MEGF6: variants seen among roughly 807,000 people sequenced by gnomAD.
MEGF6 encodes multiple epidermal growth factor-like domains protein 6.
Under a neutral mutation model 207.1 loss-of-function variants are expected in MEGF6, and 184 were observed. That is an observed-to-expected ratio of 0.89 (90% CI 0.79 to 1.00). The LOEUF is 1.00. MEGF6 is among the 50% of genes least tolerant of loss of function. The probability of loss-of-function intolerance (pLI) is 0.00; values close to 1 mark genes in which losing one functional copy is unlikely to be tolerated. For missense variants in MEGF6, 2,282 were observed against 2,202.9 expected (o/e 1.04, Z -0.72); for synonymous variants, 1,038 against 910.0 (o/e 1.14, Z -2.53).
chr1:3,621,378 T>C, the MEGF6 span, among the ~76,000 whole-genome samples: 18 of 152,238 alleles, frequency 1.2e-4, no homozygotes, highest in African/African-American at 4.1e-4. Context: ...GGCTCGCACT[T>C]GTCTTCTGGT....
intron 4 of MEGF6, among the ~76,000 whole-genome samples, chr1:3,559,486 C>T (rs927637680): frequency 7.6e-5 from 11 of 145,404 alleles, no homozygotes; most frequent in Middle Eastern, 3.8e-3. Context: ...TGTGCCACCG[C>T]ACTCCAACCT....
intron 35 of MEGF6, 103 bp downstream of exon 35, chr1:3,492,536 G>A (rs1043708041): frequency 1.5e-5 from 23 of 1,524,810 alleles, no homozygotes; most frequent in Admixed American, 8.7e-5. Flanking sequence ...AGGGTGACCC[G>A]GCCAACTCCG....
At position 3,506,141 on chromosome 1, in the gene MEGF6, C is replaced by G. The variant is rs1456743362; in HGVS notation, c.1885G>C (p.Asp629His). The G allele has an allele frequency of 3.1e-6, 5 of 1,598,304 alleles. No homozygotes were observed. The highest frequency in any genetic ancestry group is 1.3e-5 in the African/African-American group (1 of 74,764). ...CHRLYGACLC[D>H]PGLYGRFCHL... ...CAGAAGCGGCCGTAGAGCCCTGGGT[C>G]GCAGAGGCAGGCCCCGTAGAGGCGG... The change falls in exon 15 of 37, where the codon GAC (aspartate) becomes CAC (histidine). Residue 629 changes from aspartate to histidine, a missense_variant. Asp to His is a moderately conservative substitution (Grantham distance 81). Transcript: ENST00000356575.
chr1:3,598,908 C>G (rs984977795), intron 2 of MEGF6, among the ~76,000 whole-genome samples: 1 of 152,046 alleles, frequency 6.6e-6, no homozygotes, highest in Admixed American at 6.5e-5. Flanking sequence ...ATTCAAAGGG[C>G]CCCCGGCCGG....
the MEGF6 span, chr1:3,623,385 T>C: frequency 4.6e-5 from 7 of 152,288 alleles, no homozygotes; most frequent in Admixed American, 1.3e-4. Context: ...CCGGACTGGA[T>C]ACTTGGACCT....
At chr1:3,505,797 CCT>C (rs1182813929) in intron 15 of MEGF6, among the ~76,000 whole-genome samples, 3 of 152,232 alleles carry the variant, frequency 2.0e-5, no homozygotes, top group Non-Finnish European at 2.9e-5. Context: ...CCAAGATAGG[CCT>C]CATCCCCCGG....
In MEGF6 at chr1:3,556,753, G is replaced by C. The variant is rs1308703962; in HGVS notation, c.481+23072C>G. ...ACACTGGAGAGCAGAAGAGGCTCCA[G>C]TGAAAACACAAGGATGCAGGTACTT... is the stretch of plus-strand genomic sequence containing the variant. On this transcript the variant is annotated intron_variant, in intron 4 of 36. Coordinates refer to ENST00000356575, the MANE Select transcript of MEGF6 (RefSeq NM_001409.4). This position sits in a 1 kb window ranked among gnomAD's most constrained non-coding sequence, Gnocchi z 4.4. Among the ~76,000 whole-genome samples the C allele has an allele frequency of 6.6e-6, 1 of 152,210 alleles. No individual in the cohort carries two copies. Among genetic ancestry groups the C allele is most frequent in the Non-Finnish European group, 1.5e-5 (1 of 68,042 alleles).
the MEGF6 span, among the ~76,000 whole-genome samples, chr1:3,620,690 T>A: frequency 6.6e-6 from 1 of 152,130 alleles, no homozygotes; most frequent in Non-Finnish European, 1.5e-5. Flanking sequence ...TTTCTCCCCA[T>A]GTGCAGAGAT....
intron 4 of MEGF6, among the ~76,000 whole-genome samples, chr1:3,543,705 G>A (rs1025000998): frequency 2.4e-4 from 36 of 152,356 alleles, no homozygotes; most frequent in Middle Eastern, 6.8e-3. Context: ...TCCGGTCCAC[G>A]CCTCTGCCTC....
chr1:3,617,431 G>T, the MEGF6 span, among the ~76,000 whole-genome samples: 78 of 152,240 alleles, frequency 5.1e-4, no homozygotes, highest in African/African-American at 1.9e-3. Flanking sequence ...GCTGAATGAT[G>T]AGAACACATG....
chr1:3,619,438 TG>T, the MEGF6 span, among the ~76,000 whole-genome samples: 2 of 152,100 alleles, frequency 1.3e-5, no homozygotes, highest in African/African-American at 4.8e-5. Context: ...ATGACTGGTA[TG>T]GTTTGGCTGT....
At chr1:3,538,811 A>G (rs996857271) in intron 4 of MEGF6, among the ~76,000 whole-genome samples, 76 of 151,420 alleles carry the variant, frequency 5.0e-4, no homozygotes, top group Middle Eastern at 3.4e-3. Context: ...GCCCGGGGGC[A>G]CCTGAGCCCT....
At chr1:3,597,820 G>A (rs1644092497) in intron 2 of MEGF6, among the ~76,000 whole-genome samples, 1 of 152,314 alleles carries the variant, frequency 6.6e-6, no homozygotes, top group African/African-American at 2.4e-5. Context: ...ATAAAGCCCT[G>A]CTGTTTTGAA....
At chr1:3,536,500 G>C (rs1304691306) in intron 4 of MEGF6, among the ~76,000 whole-genome samples, 1 of 152,138 alleles carries the variant, frequency 6.6e-6, no homozygotes, top group Non-Finnish European at 1.5e-5. Flanking sequence ...GGCCGTGGGG[G>C]GCAGCAGCCC....
chr1:3,615,346 T>C (rs1305662461), upstream of MEGF6, among the ~76,000 whole-genome samples: 3 of 152,100 alleles, frequency 2.0e-5, no homozygotes, highest in Non-Finnish European at 4.4e-5. Flanking sequence ...AGAGCGCAGG[T>C]ATTAGAACCC....
chr1:3,609,990 G>A (rs554975920), intron 1 of MEGF6, among the ~76,000 whole-genome samples: 8 of 152,240 alleles, frequency 5.3e-5, no homozygotes, highest in Admixed American at 6.5e-5. Context: ...GCTGAGCAGC[G>A]AAGGCCACTG....
At chr1:3,587,730 A>G (rs1008825567) in intron 3 of MEGF6, among the ~76,000 whole-genome samples, 3 of 152,210 alleles carry the variant, frequency 2.0e-5, no homozygotes, top group African/African-American at 7.2e-5. Flanking sequence ...TGCACTGCTC[A>G]TGAGACAAAC....
intron 4 of MEGF6, among the ~76,000 whole-genome samples, chr1:3,548,090 C>T (rs753553135): frequency 1.3e-4 from 20 of 152,290 alleles, no homozygotes; most frequent in South Asian, 4.1e-4. Flanking sequence ...GCATGGGGAT[C>T]GGAACCTGGA....
chr1:3,505,557 C>G lies in MEGF6; in HGVS notation c.1919-1G>C. On this transcript the variant is annotated splice_acceptor_variant, in intron 15 of 36. Coordinates refer to ENST00000356575, the MANE Select transcript of MEGF6 (RefSeq NM_001409.4). LOFTEE classifies it high-confidence loss of function. ...GGCCCAAAGGCCCACGGCGGGCAGG[C>G]TGCACCCACAGAACCGTTGAGGGGG... The G allele has an allele frequency of 6.4e-7, 1 of 1,571,608 alleles. No homozygotes were observed. The highest frequency in any genetic ancestry group is 8.6e-7 in the Non-Finnish European group (1 of 1,162,620).
Sources: allele counts gnomAD v4.1 joint callset (sites outside exome capture counted in the v4.1 genomes callset), GRCh38; gene constraint gnomAD v4.1.1; non-coding constraint Gnocchi (gnomAD v3.1); transcripts MANE v1.5; gene names NCBI Gene and HGNC (gene_info 2026-07-23, HGNC 2026-07-21).